LOC122539214: variants seen among roughly 807,000 people sequenced by gnomAD.
At chr19:52,684,827 C>T in the LOC122539214 span, among the ~76,000 whole-genome samples, 72 of 152,252 alleles carry the variant, frequency 4.7e-4, no homozygotes, top group African/African-American at 1.7e-3. Flanking sequence ...CAGAGGGAGT[C>T]ATGAGATGAG....
the LOC122539214 span, among the ~76,000 whole-genome samples, chr19:52,654,625 G>C: frequency 3.3e-5 from 5 of 152,254 alleles, no homozygotes; most frequent in South Asian, 8.3e-4. Context: ...GCTGAGGCAG[G>C]AGAATTTCTT....
the LOC122539214 span, among the ~76,000 whole-genome samples, chr19:52,664,511 G>A: frequency 6.6e-6 from 1 of 152,092 alleles, no homozygotes; most frequent in Non-Finnish European, 1.5e-5. Context: ...AAAAAAAGAA[G>A]AAGAAGGAAC....
the LOC122539214 span, among the ~76,000 whole-genome samples, chr19:52,685,745 A>C: frequency 3.3e-5 from 5 of 152,032 alleles, no homozygotes; most frequent in Non-Finnish European, 7.4e-5. Flanking sequence ...AAAAATACAA[A>C]AAATGAGCCA....
chr19:52,685,811 T>G, the LOC122539214 span, among the ~76,000 whole-genome samples: 1 of 149,058 alleles, frequency 6.7e-6, no homozygotes, highest in African/African-American at 2.4e-5. Context: ...AGCAGGAGAA[T>G]CACTTAAATC....
the LOC122539214 span, among the ~76,000 whole-genome samples, chr19:52,656,852 G>T: frequency 7.3e-6 from 1 of 136,368 alleles, no homozygotes; most frequent in African/African-American, 2.8e-5. Flanking sequence ...TCGACAGAGC[G>T]AGACTCCGTC....
chr19:52,687,584 A>ATATATATAATGTATATATATAATG, the LOC122539214 span, among the ~76,000 whole-genome samples: 12 of 37,330 alleles, frequency 3.2e-4, 3 homozygotes, highest in African/African-American at 3.3e-3. Context: ...AATTTTATAT[A>ATATATATAATGTATATATATAATG]TATATATATA....
At chr19:52,668,233 C>T in the LOC122539214 span, among the ~76,000 whole-genome samples, 1 of 152,126 alleles carries the variant, frequency 6.6e-6, no homozygotes, top group African/African-American at 2.4e-5. Flanking sequence ...AGGACCCTAT[C>T]TTGTGCTGCT....
chr19:52,675,188 A>G, the LOC122539214 span, among the ~76,000 whole-genome samples: 83 of 152,292 alleles, frequency 5.5e-4, no homozygotes, highest in Middle Eastern at 3.4e-3. Flanking sequence ...AACTTGTTTT[A>G]AAAACCTGGG....
chr19:52,670,932 T>C, the LOC122539214 span, among the ~76,000 whole-genome samples: 2 of 152,226 alleles, frequency 1.3e-5, no homozygotes, highest in African/African-American at 4.8e-5. Flanking sequence ...AAGGTTCTTT[T>C]GAAGTCCTCT....
chr19:52,677,842 ACTAGCATG>A, the LOC122539214 span, among the ~76,000 whole-genome samples: 1 of 151,846 alleles, frequency 6.6e-6, no homozygotes, highest in East Asian at 1.9e-4. Context: ...GACCAGCCTG[ACTAGCATG>A]CTGAAACCCC....
the LOC122539214 span, among the ~76,000 whole-genome samples, chr19:52,679,361 AG>A: frequency 6.6e-6 from 1 of 152,354 alleles, no homozygotes; most frequent in Admixed American, 6.5e-5. Flanking sequence ...CTGTAATCCC[AG>A]CACTTTGGGA....
chr19:52,670,236 C>T, the LOC122539214 span, among the ~76,000 whole-genome samples: 17 of 152,112 alleles, frequency 1.1e-4, no homozygotes, highest in Non-Finnish European at 7.4e-5. Flanking sequence ...ACCTGCTCCA[C>T]CCTGACTCAT....
At chr19:52,683,226 CTCTGTGTGTGTGTGTGTGTGTGTGTG>C in the LOC122539214 span, among the ~76,000 whole-genome samples, 4 of 135,652 alleles carry the variant, frequency 2.9e-5, no homozygotes, top group Admixed American at 1.5e-4. Flanking sequence ...TGCCCTGTGA[CTCTGTGTGTGTGTGTGTGTGTGTGTG>C]TGTGTGTGTG....
the LOC122539214 span, chr19:52,655,411 A>G: frequency 5.2e-6 from 4 of 765,376 alleles, no homozygotes; most frequent in Non-Finnish European, 8.5e-6. Context: ...GAAGCTGTCT[A>G]TGACAGACAG....
the LOC122539214 span, among the ~76,000 whole-genome samples, chr19:52,684,237 G>A: frequency 5.3e-5 from 8 of 152,098 alleles, no homozygotes; most frequent in East Asian, 1.4e-3. Flanking sequence ...GGCTTGGTGG[G>A]CATCTGTAAT....
chr19:52,672,853 G>A, the LOC122539214 span, among the ~76,000 whole-genome samples: 1 of 152,134 alleles, frequency 6.6e-6, no homozygotes, highest in African/African-American at 2.4e-5. Flanking sequence ...TGGGATTACA[G>A]ACATGAGCCA....
At chr19:52,652,834 C>T in the LOC122539214 span, 3 of 950,438 alleles carry the variant, frequency 3.2e-6, no homozygotes, top group Non-Finnish European at 5.0e-6. Flanking sequence ...AGTATGAAGT[C>T]TATGATGGCA....
the LOC122539214 span, among the ~76,000 whole-genome samples, chr19:52,671,020 C>T: frequency 3.0e-4 from 45 of 152,310 alleles, no homozygotes; most frequent in East Asian, 8.5e-3. Context: ...TTTAGTTATT[C>T]TCTTCAGGAT....
At chr19:52,677,905 C>T in the LOC122539214 span, among the ~76,000 whole-genome samples, 4 of 151,626 alleles carry the variant, frequency 2.6e-5, no homozygotes, top group Non-Finnish European at 5.9e-5. Context: ...CATGGTGGCA[C>T]GTGCCCATCA....
Sources: gnomAD v4.1 joint callset for allele counts (sites outside exome capture counted in the v4.1 genomes callset) on GRCh38, gnomAD v4.1.1 for gene constraint, MANE v1.5 for transcripts.